DNER: variants seen among roughly 807,000 people sequenced by gnomAD.
DNER encodes delta and Notch-like epidermal growth factor-related receptor.
In DNER, 33 loss-of-function variants were observed where a neutral mutation model predicts 78.2. The observed-to-expected ratio is 0.42, with a 90% CI of 0.32 to 0.56. DNER has a LOEUF of 0.56. Ranked by LOEUF, DNER falls within the 20% of genes least tolerant of loss-of-function variation. The pLI is 0.11. For synonymous variants in DNER, 417 were observed against 384.8 expected, an observed-to-expected ratio of 1.08 and a Z score of -0.98; for missense variants, 918 against 975.3, an observed-to-expected ratio of 0.94 and a Z score of 0.78.
At chr2:229,400,505 C>A (rs958644385) in intron 10 of DNER, among the ~76,000 whole-genome samples, 1 of 151,996 alleles carries the variant, frequency 6.6e-6, no homozygotes, top group Non-Finnish European at 1.5e-5. Flanking sequence ...AAGCATCTTG[C>A]AGTGCCAGAA....
chr2:229,440,048 C>T (rs928508589), intron 8 of DNER, among the ~76,000 whole-genome samples: 1 of 152,172 alleles, frequency 6.6e-6, no homozygotes, highest in Non-Finnish European at 1.5e-5. Context: ...CGTTTTCATA[C>T]ATATGGATTA....
Position 229,639,328 on chromosome 2 carries a change from C to A in DNER, c.277-47440G>T, listed in dbSNP as rs532670597. On this transcript the variant is annotated intron_variant, in intron 1 of 12. Coordinates refer to ENST00000341772, the MANE Select transcript of DNER (RefSeq NM_139072.4). ...GGAGTGCAGTGGTGAGATCTCGGCTCACTGCAAACTCCACCTCCCGGGTTC... is the reference window on the plus strand; with the variant it reads ...GGAGTGCAGTGGTGAGATCTCGGCTAACTGCAAACTCCACCTCCCGGGTTC... Among the ~76,000 whole-genome samples the A allele has an allele frequency of 6.6e-5, 10 of 150,470 alleles. No homozygotes were observed. The South Asian group carries it at 2.1e-3, about 32-fold the overall frequency.
intron 5 of DNER, among the ~76,000 whole-genome samples, chr2:229,545,884 T>C (rs1254925971): frequency 6.6e-6 from 1 of 152,208 alleles, no homozygotes; most frequent in East Asian, 1.9e-4. Flanking sequence ...AACTCTATTA[T>C]CATAGCCAGG....
In DNER at chr2:229,591,748, G is replaced by C. The variant is rs779334501; in HGVS notation, c.417C>G (p.Leu139=). ...TGGATTCGGTCCAGCCAGTGGCTGG[G>C]AGACTGGGAAGTGCCTGTTCACAGT... is the stretch of plus-strand genomic sequence containing the variant. The part of the protein sequence containing the change: ...GPNCEQALPS[L]PATGWTESMA... The change falls in exon 2 of 13, where the codon CTC becomes CTG. Residue 139 remains leucine, a synonymous_variant. Transcript: ENST00000341772. This position sits in a 1 kb window ranked among gnomAD's most constrained non-coding sequence, Gnocchi z 4.6. The C allele has an allele frequency of 6.2e-7, 1 of 1,614,200 alleles. No homozygotes were observed. The highest frequency in any genetic ancestry group is 1.3e-5 in the African/African-American group (1 of 75,056).
intron 6 of DNER, among the ~76,000 whole-genome samples, chr2:229,482,834 G>A (rs1285540241): frequency 6.6e-6 from 1 of 152,146 alleles, no homozygotes; most frequent in Admixed American, 6.5e-5. Context: ...GAAATAAATT[G>A]CACAACAGAG....
At chr2:229,392,243 T>A (rs564924532) in intron 10 of DNER, among the ~76,000 whole-genome samples, 96 of 148,670 alleles carry the variant, frequency 6.5e-4, no homozygotes, top group South Asian at 1.3e-3. Context: ...GCCTTCCCAC[T>A]GTAAACAACT....
chr2:229,370,560 A>C (rs1469245521), intron 11 of DNER, among the ~76,000 whole-genome samples: 2 of 152,168 alleles, frequency 1.3e-5, no homozygotes, highest in Non-Finnish European at 2.9e-5. Context: ...TCAATCCCCA[A>C]ATCTGCAGCC....
rs534695603 is a variant in DNER, at chr2:229,564,427, C to G, written c.848-17335G>C. On this transcript the variant is annotated intron_variant, in intron 4 of 12. Coordinates refer to ENST00000341772, the MANE Select transcript of DNER (RefSeq NM_139072.4). Reference sequence around the variant, plus strand: ...ATCAACATCATCACACCATCACCATCATCATCATCATCCTCATCCCATCAC... The same window carrying G: ...ATCAACATCATCACACCATCACCATGATCATCATCATCCTCATCCCATCAC... Among the ~76,000 whole-genome samples the G allele has an allele frequency of 1.1e-4, 16 of 150,006 alleles. No homozygotes were observed. The East Asian group carries it at 3.2e-3, about 30-fold the overall frequency.
chr2:229,412,449 T>G (rs1443940595), intron 9 of DNER, among the ~76,000 whole-genome samples: 1 of 152,256 alleles, frequency 6.6e-6, no homozygotes, highest in Non-Finnish European at 1.5e-5. Context: ...AAAAAGAGCC[T>G]ATGTAGTCAC....
intron 6 of DNER, among the ~76,000 whole-genome samples, chr2:229,479,837 T>C (rs77981657): frequency 0.12 from 19,008 of 152,196 alleles, 1,328 homozygotes; most frequent in South Asian, 0.2. Context: ...TCCCTGACTT[T>C]AAAGATTCTA....
intron 1 of DNER, among the ~76,000 whole-genome samples, chr2:229,614,710 CT>C (rs1698120290): frequency 6.6e-6 from 1 of 152,216 alleles, no homozygotes; most frequent in African/African-American, 2.4e-5. Flanking sequence ...CCAGCCCTGC[CT>C]CCTCTGCAGA....
At position 229,645,234 on chromosome 2, in the gene DNER, T is replaced by C. The variant is rs568538718; in HGVS notation, c.277-53346A>G. 9.8e-5 allele frequency among the ~76,000 whole-genome samples: 15 copies of C among 152,328 alleles called. No homozygotes were observed. In the South Asian group the frequency reaches 3.1e-3, roughly 32 times the overall value. Reference sequence around the variant, plus strand: ...GTTGCTCAGGCTAGTCTCAAACTCCTAGCCTCAAAGGATCCTCCTGCTTCA... The same window carrying C: ...GTTGCTCAGGCTAGTCTCAAACTCCCAGCCTCAAAGGATCCTCCTGCTTCA... On this transcript the variant is annotated intron_variant, in intron 1 of 12. Transcript: ENST00000341772.
chr2:229,533,922 C>G (rs1696355062), intron 5 of DNER, among the ~76,000 whole-genome samples: 1 of 152,204 alleles, frequency 6.6e-6, no homozygotes, highest in Admixed American at 6.5e-5. Context: ...AAAGACTTTT[C>G]TGATGACCAG....
intron 1 of DNER, among the ~76,000 whole-genome samples, chr2:229,694,020 T>C: frequency 6.6e-6 from 1 of 152,202 alleles, no homozygotes; most frequent in East Asian, 1.9e-4. Flanking sequence ...GCCACCCCAC[T>C]CTTTGCAGCC....
intron 7 of DNER, among the ~76,000 whole-genome samples, chr2:229,460,149 T>A (rs1394196744): frequency 2.6e-5 from 2 of 77,056 alleles, no homozygotes; most frequent in African/African-American, 5.8e-5. Context: ...AGAGTGAGAC[T>A]CCGTCTCAAA....
intron 10 of DNER, among the ~76,000 whole-genome samples, chr2:229,392,829 G>A (rs1693045211): frequency 6.6e-6 from 1 of 151,974 alleles, no homozygotes; most frequent in African/African-American, 2.4e-5. Flanking sequence ...CACAAAAAAA[G>A]TCCATTACTT....
chr2:229,604,454 G>A (rs1204898727), intron 1 of DNER, among the ~76,000 whole-genome samples: 2 of 152,024 alleles, frequency 1.3e-5, no homozygotes, highest in Non-Finnish European at 2.9e-5. Flanking sequence ...TGTTAGGCTC[G>A]GTGGCCTGGG....
chr2:229,561,766 C>A (rs1696963365), intron 4 of DNER, among the ~76,000 whole-genome samples: 1 of 152,090 alleles, frequency 6.6e-6, no homozygotes, highest in Admixed American at 6.6e-5. Context: ...AGTATTTGAA[C>A]TGCGGGAATA....
Position 229,556,207 on chromosome 2 carries a change from G to A in DNER, c.848-9115C>T, listed in dbSNP as rs774222913. 5.9e-5 allele frequency among the ~76,000 whole-genome samples: 9 copies of A among 152,250 alleles called. 1 individual carries two copies. The South Asian group carries it at 6.2e-4, about 11-fold the overall frequency. ...TCCTTGATGAACACTTACTGAACTC[G>A]CGTCCACCAGTGAGACACCACTGTA... On this transcript the variant is annotated intron_variant, in intron 4 of 12. Coordinates refer to ENST00000341772, the MANE Select transcript of DNER (RefSeq NM_139072.4).
Sources: gnomAD v4.1 joint callset for allele counts (sites outside exome capture counted in the v4.1 genomes callset) on GRCh38, gnomAD v4.1.1 for gene constraint, Gnocchi (gnomAD v3.1) non-coding constraint, MANE v1.5 for transcripts, NCBI Gene and HGNC (gene_info 2026-07-23, HGNC 2026-07-21) for gene names.